ZMAT3: variants seen among roughly 807,000 people sequenced by gnomAD.
ZMAT3 encodes the protein zinc finger matrin-type 3.
In ZMAT3, 17 loss-of-function variants were observed where a neutral mutation model predicts 32.3. The ratio of observed to expected loss-of-function variants is 0.53; its 90% CI spans 0.36 to 0.79. The LOEUF is 0.79. Ranked by LOEUF, ZMAT3 falls within the 30% of genes least tolerant of loss-of-function variation. The pLI is 0.00. For missense variants in ZMAT3, 329 were observed against 359.7 expected (o/e 0.91, Z 0.69); for synonymous variants, 120 against 133.1 (o/e 0.90, Z 0.68).
intron 1 of ZMAT3, among the ~76,000 whole-genome samples, chr3:179,069,638 A>C (rs1384160911): frequency 1.3e-5 from 2 of 152,208 alleles, no homozygotes; most frequent in Non-Finnish European, 2.9e-5. Context: ...ATATTTGATA[A>C]CTACACAGCA....
Position 179,018,141 on chromosome 3 carries a change from C to A in ZMAT3, c.*6876G>T, listed in dbSNP as rs540719249. 6.6e-6 allele frequency: 1 copy of A among 152,126 alleles called. No individual in the cohort carries two copies. The highest frequency in any genetic ancestry group is 2.4e-5 in the African/African-American group (1 of 41,496). The allele number at this position is 152,126 out of a possible 1,614,324, so 9.4% of individuals were successfully genotyped here. On this transcript the variant is annotated 3_prime_UTR_variant, in exon 6 of 6. Transcript: ENST00000311417. ...AACAAACTGCCCTATTTGCGCTTTG[C>A]CCTAGGATAATATCACTCATTCTGA...
intron 2 of ZMAT3, among the ~76,000 whole-genome samples, chr3:179,062,000 G>GA (rs996088173): frequency 4.0e-5 from 6 of 151,442 alleles, no homozygotes; most frequent in Non-Finnish European, 7.4e-5. Context: ...GAATGGAGAG[G>GA]AAAAAAAAGG....
At chr3:179,041,822 T>C (rs1166571711) in intron 2 of ZMAT3, among the ~76,000 whole-genome samples, 2 of 149,550 alleles carry the variant, frequency 1.3e-5, no homozygotes, top group African/African-American at 4.9e-5. Context: ...ATCAACAAAA[T>C]TGAGAGACCA....
At chr3:179,058,056 C>T (rs1314198250) in intron 2 of ZMAT3, among the ~76,000 whole-genome samples, 6 of 152,170 alleles carry the variant, frequency 3.9e-5, no homozygotes, top group South Asian at 2.1e-4. Context: ...GCTTGCAACC[C>T]GTGGTATACC....
At chr3:179,053,927 T>C (rs933300387) in intron 2 of ZMAT3, among the ~76,000 whole-genome samples, 8 of 152,200 alleles carry the variant, frequency 5.3e-5, no homozygotes, top group South Asian at 2.1e-4. Flanking sequence ...TAGTACACAA[T>C]TAATGAAATG....
In ZMAT3 at chr3:179,027,544, A is replaced by G. The variant is rs565633383; in HGVS notation, c.558-21T>C. The stretch of plus-strand genomic sequence containing the variant: ...ATTCCCTGGAGAAAAGAAGTTTAAA[A>G]AAGAGTGAGTCTTCTAAACAAGAAT... On this transcript the variant is annotated intron_variant, in intron 4 of 5. Coordinates refer to ENST00000311417, the MANE Select transcript of ZMAT3 (RefSeq NM_022470.4). 8.1e-6 allele frequency: 13 copies of G among 1,614,178 alleles called. No homozygotes were observed. In the South Asian group the frequency reaches 1.4e-4, roughly 18 times the overall value.
intron 2 of ZMAT3, among the ~76,000 whole-genome samples, chr3:179,066,924 A>G (rs1328940966): frequency 6.6e-6 from 1 of 152,236 alleles, no homozygotes; most frequent in African/African-American, 2.4e-5. Flanking sequence ...ATAGGGCTCA[A>G]TATTGCAATG....
At chr3:179,064,569 AC>A (rs1293157161) in intron 2 of ZMAT3, among the ~76,000 whole-genome samples, 1 of 152,158 alleles carries the variant, frequency 6.6e-6, no homozygotes. Context: ...AGCTGGGACT[AC>A]AAGTGTCTGC....
chr3:179,033,295 G>T (rs995126684), intron 2 of ZMAT3, among the ~76,000 whole-genome samples: 19 of 152,096 alleles, frequency 1.2e-4, no homozygotes, highest in African/African-American at 3.9e-4. Flanking sequence ...CAGCATACTC[G>T]TTAAGAGTCA....
At position 179,064,659 on chromosome 3, in the gene ZMAT3, G is replaced by A. The variant is rs138936860; in HGVS notation, c.270+2824C>T. Among the ~76,000 whole-genome samples, 70 of 152,224 alleles carry A rather than the reference G, an allele frequency of 4.6e-4. No homozygotes were observed. The East Asian group carries it at 0.013, about 28-fold the overall frequency. ...CTGTCCATGCTGGTCTTGAACTCCT[G>A]AACGCAAACTATCTTCCCGCCTCAG... On this transcript the variant is annotated intron_variant, in intron 2 of 5. Transcript: ENST00000311417.
At position 179,021,566 on chromosome 3, in the gene ZMAT3, T is replaced by C. The variant is rs144413101; in HGVS notation, c.*3451A>G. On this transcript the variant is annotated 3_prime_UTR_variant, in exon 6 of 6. Coordinates refer to ENST00000311417, the MANE Select transcript of ZMAT3 (RefSeq NM_022470.4). ...TTTTTTTTCTAATTTTTGTTGTTGT[T>C]GTGGTTTAGGCCTCTGTCCATCCTT... 372 of 152,310 alleles carry C rather than the reference T, an allele frequency of 2.4e-3. No individual in the cohort carries two copies. Among genetic ancestry groups the C allele is most frequent in the African/African-American group, 8.0e-3 (334 of 41,552 alleles). The allele number at this position is 152,310 out of a possible 1,614,324, so 9.4% of individuals were successfully genotyped here. A position where few individuals can be genotyped will look rare whatever the true frequency, so the allele number is the denominator to read the frequency against.
intron 3 of ZMAT3, among the ~76,000 whole-genome samples, chr3:179,029,541 G>T (rs1719067729): frequency 6.6e-6 from 1 of 152,046 alleles, no homozygotes; most frequent in Non-Finnish European, 1.5e-5. Context: ...TTGGCTCACT[G>T]CAACCTCCAC....
At chr3:179,051,927 A>AGG (rs1248681584) in intron 2 of ZMAT3, among the ~76,000 whole-genome samples, 1 of 152,208 alleles carries the variant, frequency 6.6e-6, no homozygotes, top group East Asian at 1.9e-4. Context: ...TAAAGTGGGG[A>AGG]AAGGACACTC....
intron 2 of ZMAT3, among the ~76,000 whole-genome samples, chr3:179,051,960 T>C (rs1356436945): frequency 6.6e-6 from 1 of 152,166 alleles, no homozygotes; most frequent in Non-Finnish European, 1.5e-5. Flanking sequence ...GGTGCTGAGA[T>C]AATTGGCAAG....
At chr3:179,028,928 G>A (rs578098538) in intron 3 of ZMAT3, among the ~76,000 whole-genome samples, 20 of 152,258 alleles carry the variant, frequency 1.3e-4, no homozygotes, top group African/African-American at 4.1e-4. Context: ...GGGAGGCCGA[G>A]GCAGGTGGAT....
intron 2 of ZMAT3, among the ~76,000 whole-genome samples, chr3:179,031,908 A>T (rs1719219231): frequency 6.7e-5 from 2 of 29,910 alleles, no homozygotes; most frequent in Non-Finnish European, 1.0e-4. Flanking sequence ...TTCTGTCTCA[A>T]ATAAAAAAAA....
chr3:179,027,648 G>A lies in ZMAT3; in HGVS notation c.555C>T (p.Phe185=). ...LRLAEAQSNS[F]SESSELGQRR... is the part of the protein sequence containing the mutation. ...TCAGAGAAAATGGCAATACCTACGA[G>A]AATGAGTTACTCTGAGCTTCCGCCA... The change falls in exon 4 of 6, where the codon TTC becomes TTT. Residue 185 remains phenylalanine (F), a splice_region_variant and synonymous_variant. Transcript: ENST00000311417. 1 of 1,614,062 alleles carries A rather than the reference G, an allele frequency of 6.2e-7. No homozygotes were observed. The highest frequency in any genetic ancestry group is 8.5e-7 in the Non-Finnish European group (1 of 1,179,990).
At chr3:179,058,769 A>AG (rs1289407840) in intron 2 of ZMAT3, among the ~76,000 whole-genome samples, 15 of 151,738 alleles carry the variant, frequency 9.9e-5, no homozygotes, top group African/African-American at 3.1e-4. Context: ...AAAAAAAAAA[A>AG]AAAAGAAAAA....
At position 179,020,275 on chromosome 3, in the gene ZMAT3, C is replaced by T. The variant is rs1718479082; in HGVS notation, c.*4742G>A. 1 of 152,042 alleles carries T rather than the reference C, an allele frequency of 6.6e-6. No homozygotes were observed. The highest frequency in any genetic ancestry group is 2.4e-5 in the African/African-American group (1 of 41,406). 9.4% of individuals were successfully genotyped at this position (152,042 alleles called of 1,614,324 possible). ...GCCAGTACGTTTTTTGGTAGCTACC[C>T]AGAAAGGAAGTTTACAAATGTTCCT... On this transcript the variant is annotated 3_prime_UTR_variant, in exon 6 of 6. Transcript: ENST00000311417.
Sources: gnomAD v4.1 joint callset for allele counts (sites outside exome capture counted in the v4.1 genomes callset) on GRCh38, gnomAD v4.1.1 for gene constraint, MANE v1.5 for transcripts, NCBI Gene and HGNC (gene_info 2026-07-23, HGNC 2026-07-21) for gene names.